The following VAV2 variants were observed in gnomAD, a reference collection of about 807,000 sequenced individuals.
The protein encoded by VAV2 is vav guanine nucleotide exchange factor 2.
Under a neutral mutation model 132.5 loss-of-function variants are expected in VAV2, and 67 were observed. That is an observed-to-expected ratio of 0.51 (90% CI 0.42 to 0.62). The LOEUF (loss-of-function observed/expected upper bound fraction) is 0.62. VAV2 is among the 20% of genes least tolerant of loss of function. The pLI is 0.00. For synonymous variants in VAV2, 492 were observed against 443.5 expected (o/e 1.11, Z -1.37); for missense variants, 938 against 1,153.6 (o/e 0.81, Z 2.71).
intron 2 of VAV2, 129 bp downstream of exon 2, chr9:133,938,974 G>GA: frequency 1.2e-6 from 1 of 839,678 alleles, no homozygotes; most frequent in Non-Finnish European, 2.0e-6. Context: ...CGGACATGAG[G>GA]GTGCAGAAAT....
chr9:133,782,026 A>G (rs1834026868), intron 19 of VAV2, among the ~76,000 whole-genome samples: 1 of 149,808 alleles, frequency 6.7e-6, no homozygotes, highest in African/African-American at 2.4e-5. Flanking sequence ...TAGGAGGAGT[A>G]GTTTTTCTCT....
At chr9:133,836,128 C>G (rs1226435050) in intron 3 of VAV2, among the ~76,000 whole-genome samples, 2 of 152,198 alleles carry the variant, frequency 1.3e-5, no homozygotes, top group African/African-American at 4.8e-5. Context: ...CATCTCCTCC[C>G]ATGATATGCA....
At position 133,992,012 on chromosome 9, in the gene VAV2, G is replaced by A; in HGVS notation, c.204+63C>T. On this transcript the variant is annotated intron_variant, in intron 1 of 29. Transcript: ENST00000371850. The surrounding 1 kb of genome is among the most constrained non-coding windows in gnomAD (Gnocchi z 5.5). Reference sequence around the variant, plus strand: ...GCCGCCGCTGCGACCTCCGCGTTCAGTCCGCGCGTCGGGCAGCGCGAACGC... The same window carrying A: ...GCCGCCGCTGCGACCTCCGCGTTCAATCCGCGCGTCGGGCAGCGCGAACGC... 5.1e-6 allele frequency: 7 copies of A among 1,373,104 alleles called. No homozygotes were observed. Among genetic ancestry groups the A allele is most frequent in the Non-Finnish European group, 6.7e-6 (7 of 1,050,662 alleles). The allele number at this position is 1,373,104 out of a possible 1,614,324, so 85.1% of individuals were successfully genotyped here.
At chr9:133,954,975 A>ACTG (rs750146697) in intron 1 of VAV2, among the ~76,000 whole-genome samples, 29 of 152,114 alleles carry the variant, frequency 1.9e-4, no homozygotes, top group Non-Finnish European at 2.9e-4. Context: ...TTTTCATTAT[A>ACTG]CTGCTGTTTG....
At chr9:133,866,367 C>A (rs184292735) in intron 2 of VAV2, among the ~76,000 whole-genome samples, 1 of 152,322 alleles carries the variant, frequency 6.6e-6, no homozygotes, top group African/African-American at 2.4e-5. Context: ...GAAATCCCTA[C>A]GCCTTCTGCA....
intron 22 of VAV2, among the ~76,000 whole-genome samples, chr9:133,778,366 G>A (rs1478735084): frequency 1.3e-5 from 2 of 152,176 alleles, no homozygotes; most frequent in Non-Finnish European, 2.9e-5. Flanking sequence ...CTGAACTGAG[G>A]TAGGGGTGGG....
At chr9:133,989,799 G>C (rs1301020216) in intron 1 of VAV2, among the ~76,000 whole-genome samples, 6 of 152,228 alleles carry the variant, frequency 3.9e-5, no homozygotes, top group African/African-American at 1.4e-4. Flanking sequence ...GTTTCTCCAC[G>C]TTGAATGAAC....
intron 5 of VAV2, among the ~76,000 whole-genome samples, chr9:133,810,423 G>A (rs532691121): frequency 9.8e-4 from 149 of 152,326 alleles, no homozygotes; most frequent in African/African-American, 3.4e-3. Context: ...AATGGCATCT[G>A]CCATCCTCTG....
intron 2 of VAV2, among the ~76,000 whole-genome samples, chr9:133,922,824 G>A (rs113703605): frequency 0.031 from 4,790 of 152,180 alleles, 92 homozygotes; most frequent in Middle Eastern, 0.051. Flanking sequence ...CCACAGCACC[G>A]GCAACAAAAA....
intron 1 of VAV2, among the ~76,000 whole-genome samples, chr9:133,970,565 A>G (rs1298628307): frequency 6.6e-6 from 1 of 152,182 alleles, no homozygotes; most frequent in Non-Finnish European, 1.5e-5. Context: ...TCCCTTTGAC[A>G]GACACATGTG....
chr9:133,987,019 ATTAT>A (rs1033080758), intron 1 of VAV2, among the ~76,000 whole-genome samples: 13 of 148,666 alleles, frequency 8.7e-5, no homozygotes, highest in African/African-American at 2.2e-4. Context: ...TTATTTTATT[ATTAT>A]TTATTTATTA....
In VAV2 at chr9:133,969,158, G is replaced by A. The variant is rs113886674; in HGVS notation, c.204+22917C>T. On this transcript the variant is annotated intron_variant, in intron 1 of 29. Coordinates refer to ENST00000371850, the MANE Select transcript of VAV2 (RefSeq NM_001134398.2). The surrounding 1 kb of genome is among the most constrained non-coding windows in gnomAD (Gnocchi z 5.1). The stretch of plus-strand genomic sequence containing the variant: ...CCGAGAGCTGGATTCCACCGTGCCC[G>A]CCGGGCCTGCGAGGACGAGAGCTGG... 8.3e-3 allele frequency among the ~76,000 whole-genome samples: 1,253 copies of A among 151,776 alleles called. 20 individuals are homozygous for A. The highest frequency in any genetic ancestry group is 0.028 in the African/African-American group (1,178 of 41,338).
chr9:133,868,966 T>A (rs1478977825), intron 2 of VAV2, among the ~76,000 whole-genome samples: 1 of 151,270 alleles, frequency 6.6e-6, no homozygotes, highest in Non-Finnish European at 1.5e-5. Flanking sequence ...GAGACCAGCC[T>A]CGGCAATATG....
intron 12 of VAV2, among the ~76,000 whole-genome samples, chr9:133,795,057 G>C (rs1363622012): frequency 2.0e-5 from 3 of 152,224 alleles, no homozygotes; most frequent in Non-Finnish European, 4.4e-5. Flanking sequence ...AACCTGCCTG[G>C]AACTGTGCTG....
chr9:133,789,258 C>T lies in VAV2; in HGVS notation c.1274G>A (p.Arg425Lys). ...RSIVNHTKQDRYLFLFDKVVI... is the reference protein window; with the variant it reads ...RSIVNHTKQDKYLFLFDKVVI... ...AGCCCACAACACGCGCCCTGCTCAC[C>T]TGTCCTGCTTGGTGTGGTTGACTAT... Residue 425 changes from arginine to lysine, a missense_variant and splice_region_variant, in exon 14 of 30, where the codon AGG (arginine) becomes AAG (lysine). Coordinates refer to ENST00000371850, the MANE Select transcript of VAV2 (RefSeq NM_001134398.2). 1 of 1,614,100 alleles carries T rather than the reference C, an allele frequency of 6.2e-7. No homozygotes were observed. The highest frequency in any genetic ancestry group is 8.5e-7 in the Non-Finnish European group (1 of 1,180,002).
At chr9:133,777,326 G>C in intron 23 of VAV2, 63 bp downstream of exon 23, 1 of 1,556,882 alleles carries the variant, frequency 6.4e-7, no homozygotes, top group Non-Finnish European at 8.8e-7. Context: ...TGAGGAGGCA[G>C]CTCCCAGAAC....
intron 1 of VAV2, among the ~76,000 whole-genome samples, chr9:133,941,706 G>A (rs942208418): frequency 3.3e-5 from 5 of 151,478 alleles, no homozygotes; most frequent in East Asian, 2.0e-4. Flanking sequence ...AGGTTCAAGC[G>A]AATTCTCCTG....
At chr9:133,956,901 A>G (rs1199180493) in intron 1 of VAV2, among the ~76,000 whole-genome samples, 1 of 152,238 alleles carries the variant, frequency 6.6e-6, no homozygotes, top group African/African-American at 2.4e-5. Context: ...GTCCTCAAGC[A>G]GGAAAGCTGG....
rs981040943 is a variant in VAV2 at position 133,888,020 on chromosome 9, C to G, written c.322-26588G>C. ...GCCCGAGCTTAGGCTGAAGGGTAGACCCTGCCCAGGAGCACCCCTTGGATG... is the reference window on the plus strand; with the variant it reads ...GCCCGAGCTTAGGCTGAAGGGTAGAGCCTGCCCAGGAGCACCCCTTGGATG... On this transcript the variant is annotated intron_variant, in intron 2 of 29. Coordinates refer to ENST00000371850, the MANE Select transcript of VAV2 (RefSeq NM_001134398.2). Among the ~76,000 whole-genome samples the G allele has an allele frequency of 2.6e-5, 4 of 152,338 alleles. No homozygotes were observed. In the Middle Eastern group the frequency reaches 0.014, roughly 518 times the overall value.
Sources: gnomAD v4.1 joint callset for allele counts (sites outside exome capture counted in the v4.1 genomes callset) on GRCh38, gnomAD v4.1.1 for gene constraint, Gnocchi (gnomAD v3.1) non-coding constraint, MANE v1.5 for transcripts, NCBI Gene and HGNC (gene_info 2026-07-23, HGNC 2026-07-21) for gene names.